Variants in EYS observed in about 807,000 individuals in gnomAD.
The protein encoded by EYS is protein eyes shut homolog.
Under a neutral mutation model 282.1 loss-of-function variants are expected in EYS, and 250 were observed. The observed-to-expected ratio is 0.89, with a 90% CI of 0.80 to 0.98. The LOEUF (loss-of-function observed/expected upper bound fraction) is 0.98, where lower values mean the gene tolerates loss of function less well. Ranked by LOEUF, EYS falls within the 50% of genes least tolerant of loss-of-function variation. The probability of loss-of-function intolerance (pLI) is 0.00; values close to 1 mark genes in which losing one functional copy is unlikely to be tolerated. For synonymous variants in EYS, 1,355 were observed against 1,282.9 expected (o/e 1.06, Z -1.20); for missense variants, 4,016 against 3,709.0 (o/e 1.08, Z -2.15).
chr6:64,374,996 T>C (rs1383055011), intron 29 of EYS, among the ~76,000 whole-genome samples: 1 of 152,164 alleles, frequency 6.6e-6, no homozygotes, highest in East Asian at 1.9e-4. Flanking sequence ...CTTAGCAAAA[T>C]TGCAGAACTG....
At chr6:64,120,484 T>G (rs746309946) in intron 31 of EYS, among the ~76,000 whole-genome samples, 29 of 152,038 alleles carry the variant, frequency 1.9e-4, no homozygotes, top group Non-Finnish European at 4.3e-4. Context: ...TTCTAAAATC[T>G]TCCTGTAGTT....
intron 35 of EYS, among the ~76,000 whole-genome samples, chr6:63,949,034 T>C (rs1765485525): frequency 6.6e-6 from 1 of 152,172 alleles, no homozygotes; most frequent in Non-Finnish European, 1.5e-5. Flanking sequence ...TTTTTTAATA[T>C]ACAAAAATGA....
chr6:65,090,103 C>A (rs1033763590), intron 12 of EYS, among the ~76,000 whole-genome samples: 1 of 151,870 alleles, frequency 6.6e-6, no homozygotes, highest in Non-Finnish European at 1.5e-5. Context: ...TGGTCAGGGG[C>A]AGAATGATAT....
intron 28 of EYS, among the ~76,000 whole-genome samples, chr6:64,391,877 AC>A (rs1206623104): frequency 6.6e-6 from 1 of 152,158 alleles, no homozygotes; most frequent in East Asian, 1.9e-4. Flanking sequence ...TATTCAGAAA[AC>A]CCATCTCATG....
intron 12 of EYS, among the ~76,000 whole-genome samples, chr6:65,258,274 A>T (rs1767525041): frequency 6.6e-6 from 1 of 152,022 alleles, no homozygotes. Flanking sequence ...CTGACAATAG[A>T]CAAAGCAAGG....
intron 5 of EYS, among the ~76,000 whole-genome samples, chr6:65,484,941 G>C (rs9345640): frequency 0.17 from 26,538 of 152,172 alleles, 2,880 homozygotes; most frequent in East Asian, 0.27. Flanking sequence ...TGCAATAGCA[G>C]AGTTGAATCA....
intron 31 of EYS, among the ~76,000 whole-genome samples, chr6:64,220,077 T>A (rs577471803): frequency 6.6e-6 from 1 of 152,290 alleles, no homozygotes; most frequent in East Asian, 1.9e-4. Flanking sequence ...ATATACCTAA[T>A]GTTAAATGAC....
At chr6:64,645,112 T>A (rs1768302474) in intron 22 of EYS, among the ~76,000 whole-genome samples, 1 of 152,226 alleles carries the variant, frequency 6.6e-6, no homozygotes, top group Non-Finnish European at 1.5e-5. Flanking sequence ...AACTAAATAC[T>A]GTTTACCATT....
intron 41 of EYS, among the ~76,000 whole-genome samples, chr6:63,728,619 C>T (rs928756026): frequency 3.3e-5 from 5 of 152,146 alleles, no homozygotes; most frequent in Admixed American, 6.5e-5. Context: ...ATTCACTCTT[C>T]ACGTACATTC....
At chr6:64,257,823 C>A (rs1767452821) in intron 30 of EYS, among the ~76,000 whole-genome samples, 1 of 151,740 alleles carries the variant, frequency 6.6e-6, no homozygotes, top group African/African-American at 2.4e-5. Context: ...ATGACAGCAA[C>A]CGTGATCATT....
At chr6:64,312,828 T>TAACATC (rs1013777561) in intron 29 of EYS, among the ~76,000 whole-genome samples, 7 of 152,016 alleles carry the variant, frequency 4.6e-5, no homozygotes, top group African/African-American at 1.5e-4. Context: ...CAGAAAGTAA[T>TAACATC]AACATCAACA....
intron 12 of EYS, among the ~76,000 whole-genome samples, chr6:65,238,520 T>G (rs1048759995): frequency 6.6e-6 from 1 of 151,948 alleles, no homozygotes; most frequent in Non-Finnish European, 1.5e-5. Flanking sequence ...GTTCTATTTC[T>G]GAAATAGAAG....
At chr6:63,789,531 A>G (rs1385393345) in intron 37 of EYS, among the ~76,000 whole-genome samples, 2 of 152,190 alleles carry the variant, frequency 1.3e-5, no homozygotes, top group Non-Finnish European at 2.9e-5. Flanking sequence ...TTCAGTGTGC[A>G]CTTTACAATA....
At chr6:64,043,248 T>A (rs1448349510) in intron 33 of EYS, among the ~76,000 whole-genome samples, 1 of 152,234 alleles carries the variant, frequency 6.6e-6, no homozygotes, top group Non-Finnish European at 1.5e-5. Flanking sequence ...AGGTGGGCAC[T>A]GCTGGCAGGA....
chr6:64,418,971 G>A (rs1164310064), intron 28 of EYS, among the ~76,000 whole-genome samples: 1 of 152,122 alleles, frequency 6.6e-6, no homozygotes. Context: ...GAAATGTCTG[G>A]AGTACTGTGG....
chr6:65,290,185 T>C (rs1275140436), intron 12 of EYS, among the ~76,000 whole-genome samples: 4 of 150,786 alleles, frequency 2.7e-5, no homozygotes. Flanking sequence ...ACATCAAAAA[T>C]TAAAGAACAC....
chr6:64,231,846 T>C (rs1766434202), intron 30 of EYS, among the ~76,000 whole-genome samples: 1 of 152,268 alleles, frequency 6.6e-6, no homozygotes, highest in East Asian at 1.9e-4. Context: ...TTTTTAGAAT[T>C]TCACTTAATA....
intron 32 of EYS, among the ~76,000 whole-genome samples, chr6:64,072,502 A>ACTT (rs200046998): frequency 0.01 from 1,585 of 151,236 alleles, 29 homozygotes; most frequent in African/African-American, 0.036. Flanking sequence ...TGTATTCTTG[A>ACTT]CTTTTTTTCT....
At chr6:64,218,207 G>T (rs776707095) in intron 31 of EYS, among the ~76,000 whole-genome samples, 7 of 152,090 alleles carry the variant, frequency 4.6e-5, no homozygotes, top group Non-Finnish European at 7.4e-5. Flanking sequence ...GCTCAATACT[G>T]CCAGGTGAAT....
Sources: allele counts gnomAD v4.1 joint callset (sites outside exome capture counted in the v4.1 genomes callset), GRCh38; gene constraint gnomAD v4.1.1; transcripts MANE v1.5; gene names NCBI Gene and HGNC (gene_info 2026-07-23, HGNC 2026-07-21).